Variants in RTN4 observed in about 807,000 individuals in gnomAD.
The protein encoded by RTN4 is reticulon-4.
A neutral mutation model predicts 90.4 loss-of-function variants in RTN4; 32 were observed. The observed-to-expected ratio is 0.35, with a 90% CI of 0.27 to 0.48. The LOEUF (loss-of-function observed/expected upper bound fraction) is 0.48, where lower values mean the gene tolerates loss of function less well. RTN4 is among the 20% of genes least tolerant of loss of function. The pLI is 0.99. For synonymous variants in RTN4, 629 were observed against 552.5 expected (o/e 1.14, Z -1.94); for missense variants, 1,706 against 1,430.2 (o/e 1.19, Z -3.11).
At chr2:55,125,714 C>G in the RTN4 span, among the ~76,000 whole-genome samples, 1 of 152,160 alleles carries the variant, frequency 6.6e-6, no homozygotes, top group Admixed American at 6.5e-5. Flanking sequence ...TGCAGTGAGC[C>G]AAGATCTCAC....
At chr2:55,075,437 T>C (rs2105022099) in intron 2 of RTN4, among the ~76,000 whole-genome samples, 1 of 152,270 alleles carries the variant, frequency 6.6e-6, no homozygotes, top group South Asian at 2.1e-4. Context: ...AAATAAATCA[T>C]AGGTGACACA....
At chr2:55,127,336 T>C in the RTN4 span, among the ~76,000 whole-genome samples, 1 of 152,200 alleles carries the variant, frequency 6.6e-6, no homozygotes, top group Non-Finnish European at 1.5e-5. Context: ...ATTTCACGCT[T>C]GGGCAGCTTT....
chr2:55,078,874 T>C (rs548057441), intron 2 of RTN4, among the ~76,000 whole-genome samples: 1 of 151,914 alleles, frequency 6.6e-6, no homozygotes, highest in Non-Finnish European at 1.5e-5. Flanking sequence ...ATCACAGAAG[T>C]AGAAAAACTC....
intron 2 of RTN4, among the ~76,000 whole-genome samples, chr2:55,070,420 C>T (rs989268534): frequency 6.6e-6 from 1 of 151,726 alleles, no homozygotes; most frequent in Non-Finnish European, 1.5e-5. Flanking sequence ...GTGGCTCACA[C>T]TTGTAGTCCC....
intron 2 of RTN4, among the ~76,000 whole-genome samples, chr2:55,070,545 C>CAAAAAAAAAAAAAA (rs747838297): frequency 1.5e-5 from 1 of 67,322 alleles, no homozygotes; most frequent in African/African-American, 5.3e-5. Context: ...GACTCTGTCT[C>CAAAAAAAAAAAAAA]AAAAAAAAAA....
chr2:55,097,667 T>G (rs1299180034), intron 1 of RTN4, among the ~76,000 whole-genome samples: 1 of 152,084 alleles, frequency 6.6e-6, no homozygotes, highest in Non-Finnish European at 1.5e-5. Flanking sequence ...TTGAACACTT[T>G]CATAAACATT....
chr2:55,114,497 G>A (rs1573526371), upstream of RTN4, among the ~76,000 whole-genome samples: 1 of 152,148 alleles, frequency 6.6e-6, no homozygotes, highest in Admixed American at 6.5e-5. Flanking sequence ...TCAGGAGTTC[G>A]AGACCAGCCT....
intron 1 of RTN4, among the ~76,000 whole-genome samples, chr2:55,082,244 T>C (rs1668734603): frequency 1.3e-5 from 2 of 152,250 alleles, no homozygotes; most frequent in Non-Finnish European, 2.9e-5. Flanking sequence ...TGTATTCACC[T>C]GATGCTTTGG....
intron 2 of RTN4, among the ~76,000 whole-genome samples, chr2:55,075,610 C>CA (rs1170541640): frequency 3.3e-5 from 5 of 151,860 alleles, no homozygotes; most frequent in Admixed American, 6.6e-5. Flanking sequence ...CATATGGAAC[C>CA]AAAAAAGAGC....
chr2:54,978,904 G>T (rs1000541828), intron 5 of RTN4, among the ~76,000 whole-genome samples: 3 of 152,020 alleles, frequency 2.0e-5, no homozygotes, highest in African/African-American at 7.2e-5. Context: ...TCCTTATGTT[G>T]AAAAAGTAAA....
upstream of RTN4, among the ~76,000 whole-genome samples, chr2:55,051,802 A>T (rs769316573): frequency 3.9e-5 from 6 of 152,240 alleles, no homozygotes; most frequent in Non-Finnish European, 7.3e-5. Context: ...TGTTGACTGA[A>T]TGTTGAAATT....
At chr2:55,106,493 A>T (rs1667945867) in intron 1 of RTN4, among the ~76,000 whole-genome samples, 1 of 151,962 alleles carries the variant, frequency 6.6e-6, no homozygotes, top group Non-Finnish European at 1.5e-5. Context: ...TTCTAGATAC[A>T]TTTTGTTGCA....
chr2:55,122,326 C>T, the RTN4 span, among the ~76,000 whole-genome samples: 2 of 152,042 alleles, frequency 1.3e-5, no homozygotes, highest in Admixed American at 6.6e-5. Flanking sequence ...ACAGGTTCCC[C>T]GACTTAGAGT....
chr2:55,137,417 A>G, the RTN4 span, among the ~76,000 whole-genome samples: 1 of 152,202 alleles, frequency 6.6e-6, no homozygotes. Context: ...TTAGGAGAAC[A>G]TAGGAGTAAC....
chr2:55,081,057 C>G (rs1668704515), intron 1 of RTN4, among the ~76,000 whole-genome samples: 1 of 151,340 alleles, frequency 6.6e-6, no homozygotes, highest in Non-Finnish European at 1.5e-5. Flanking sequence ...TCCTTTCTTT[C>G]TTTCATTCTT....
chr2:55,010,048 C>T, intron 3 of RTN4: 3 of 1,599,180 alleles, frequency 1.9e-6, no homozygotes, highest in Non-Finnish European at 2.6e-6. Context: ...TTAGTGGTCA[C>T]ATATAAAAAC....
intron 3 of RTN4, among the ~76,000 whole-genome samples, chr2:55,015,572 GC>G (rs1391950085): frequency 6.6e-6 from 1 of 152,068 alleles, no homozygotes; most frequent in Non-Finnish European, 1.5e-5. Context: ...GTATGAACAA[GC>G]AAAAATCACA....
intron 1 of RTN4, among the ~76,000 whole-genome samples, chr2:55,096,027 C>T (rs1669026181): frequency 6.6e-6 from 1 of 152,078 alleles, no homozygotes; most frequent in African/African-American, 2.4e-5. Flanking sequence ...TTTCATCCCA[C>T]CATATAAGAG....
the RTN4 span, among the ~76,000 whole-genome samples, chr2:55,124,459 T>C: frequency 6.6e-6 from 1 of 152,088 alleles, no homozygotes; most frequent in Non-Finnish European, 1.5e-5. Flanking sequence ...GCAATCCCAT[T>C]CACAATTGCC....
Sources: gnomAD v4.1 joint callset for allele counts (sites outside exome capture counted in the v4.1 genomes callset) on GRCh38, gnomAD v4.1.1 for gene constraint, MANE v1.5 for transcripts, NCBI Gene and HGNC (gene_info 2026-07-23, HGNC 2026-07-21) for gene names.